Variants in HAP1 observed in about 807,000 individuals in gnomAD.
The protein encoded by HAP1 is huntingtin-associated protein 1.
A neutral mutation model predicts 60.3 loss-of-function variants in HAP1; 59 were observed. The observed-to-expected ratio is 0.98, with a 90% CI of 0.79 to 1.22. HAP1 has a LOEUF of 1.22. Ranked by LOEUF, HAP1 falls within the 50% of genes most tolerant of loss-of-function variation. HAP1 has a pLI of 0.00. For synonymous variants in HAP1, 346 were observed against 330.6 expected (o/e 1.05, Z -0.50); for missense variants, 825 against 785.3 (o/e 1.05, Z -0.60).
At chr17:41,726,903 T>A (rs1157396073) in intron 9 of HAP1, 150 bp downstream of exon 9, 1 of 594,252 alleles carries the variant, frequency 1.7e-6, no homozygotes, top group Non-Finnish European at 3.0e-6. Context: ...GATGGGTCCA[T>A]ATTCATAGAG....
chr17:41,726,991 C>A, intron 9 of HAP1, 62 bp downstream of exon 9: 1 of 836,690 alleles, frequency 1.2e-6, no homozygotes, highest in African/African-American at 1.7e-5. Context: ...TGAGGGCAAA[C>A]CCCCTCCCCA....
In HAP1 at chr17:41,724,662, G is replaced by A. The variant is rs782590381; in HGVS notation, c.*39C>T. ...AGCACAGCAGGTAGAGCCAGGCTGG[G>A]GCAGGTGAGCACTCGGGGAGCTTAT... On this transcript the variant is annotated 3_prime_UTR_variant, in exon 11 of 11. Transcript: ENST00000347901. 2.7e-6 allele frequency: 4 copies of A among 1,461,032 alleles called. No individual in the cohort carries two copies. In the African/African-American group the frequency reaches 4.2e-5, roughly 15 times the overall value. 90.5% of individuals were successfully genotyped at this position (1,461,032 alleles called of 1,614,324 possible).
At chr17:41,734,045 G>A in intron 1 of HAP1, 121 bp downstream of exon 1, 1 of 710,552 alleles carries the variant, frequency 1.4e-6, no homozygotes. Flanking sequence ...ACATCGCGGG[G>A]GTGGTGGACG....
chr17:41,733,931 G>A (rs1171017176), intron 1 of HAP1, among the ~76,000 whole-genome samples: 1 of 152,138 alleles, frequency 6.6e-6, no homozygotes, highest in African/African-American at 2.4e-5. Context: ...CGTGGAGGTG[G>A]GTGGGCGAGC....
In HAP1 at chr17:41,729,549, CAAAAAAAA is replaced by C. The variant is rs1162563636; in HGVS notation, c.1070-1226_1070-1219del. On this transcript the variant is annotated intron_variant, in intron 6 of 10. Coordinates refer to ENST00000347901, the MANE Select transcript of HAP1 (RefSeq NM_177977.3). ...TGGGTTACAGAGGGAGCCTCCTTCT[CAAAAAAAA>C]AAAAAAAAAAAAAAAAAAAAAAGGA... Among the ~76,000 whole-genome samples, 67 of 63,106 alleles carry C rather than the reference CAAAAAAAA, an allele frequency of 1.1e-3. 3 individuals are homozygous for C. Among genetic ancestry groups the C allele is most frequent in the African/African-American group, 3.0e-3 (43 of 14,570 alleles). 41.4% of individuals were successfully genotyped at this position (63,106 alleles called of 152,430 possible).
At chr17:41,728,100 G>A (rs1911827150) in intron 7 of HAP1, 101 bp downstream of exon 7, 2 of 1,387,512 alleles carry the variant, frequency 1.4e-6, no homozygotes, top group Admixed American at 3.4e-5. Flanking sequence ...CTCTGACACA[G>A]AAAGGGACCT....
downstream of HAP1, chr17:41,718,066 TTTA>T: frequency 2.2e-6 from 1 of 458,428 alleles, no homozygotes; most frequent in South Asian, 1.6e-5. Flanking sequence ...AGCAAACAAG[TTTA>T]TTAACATGTG....
At chr17:41,719,293 A>G (rs1460230943), downstream of HAP1, among the ~76,000 whole-genome samples, 1 of 152,110 alleles carries the variant, frequency 6.6e-6, no homozygotes, top group Non-Finnish European at 1.5e-5. Flanking sequence ...ATGTATTTTA[A>G]AGCAGTAGAT....
intron 6 of HAP1, among the ~76,000 whole-genome samples, chr17:41,729,370 T>G (rs1468413660): frequency 6.9e-6 from 1 of 145,688 alleles, no homozygotes; most frequent in African/African-American, 2.5e-5. Flanking sequence ...CCCAACATGG[T>G]GAAACCCCAT....
At chr17:41,734,077 G>C in intron 1 of HAP1, 89 bp downstream of exon 1, 1 of 1,036,098 alleles carries the variant, frequency 9.7e-7, no homozygotes, top group South Asian at 1.6e-5. Context: ...GTGCTAGAGG[G>C]GGCGGGGTGC....
At chr17:41,725,306 A>C in intron 10 of HAP1, 152 bp from the exon 11 acceptor site, 1 of 639,742 alleles carries the variant, frequency 1.6e-6, no homozygotes, top group Non-Finnish European at 2.7e-6. Context: ...AAGGCTTCAA[A>C]TACCCAGCCC....
chr17:41,726,804 A>G (rs1282286908), intron 9 of HAP1, among the ~76,000 whole-genome samples: 1 of 152,066 alleles, frequency 6.6e-6, no homozygotes, highest in Non-Finnish European at 1.5e-5. Flanking sequence ...CAGAGGTTGC[A>G]GTGAGCCAAG....
chr17:41,727,732 G>T (rs782203706), intron 8 of HAP1, 30 bp downstream of exon 8: 127 of 1,522,528 alleles, frequency 8.3e-5, no homozygotes, highest in Non-Finnish European at 1.1e-4. Context: ...GCTCTCCAGG[G>T]TGGGGGCAGA....
In HAP1 at chr17:41,725,475, T is replaced by C. The variant is rs537893217; in HGVS notation, c.1407-321A>G. ...CCTTCATAGCCCACCCCACAGCTAC[T>C]TGCCATAGGAACAAATCCATTCTAG... On this transcript the variant is annotated intron_variant, in intron 10 of 10. Coordinates refer to ENST00000347901, the MANE Select transcript of HAP1 (RefSeq NM_177977.3). Among the ~76,000 whole-genome samples, 3 of 152,288 alleles carry C rather than the reference T, an allele frequency of 2.0e-5. No homozygotes were observed. The South Asian group carries it at 6.2e-4, about 32-fold the overall frequency.
At chr17:41,730,031 A>AG (rs1912025171) in intron 6 of HAP1, 1 of 21,436 alleles carries the variant, frequency 4.7e-5, no homozygotes, top group Admixed American at 5.7e-4. Flanking sequence ...AAAAGAAAGA[A>AG]AGAGAGAGAG....
intron 8 of HAP1, 72 bp from the exon 9 acceptor site, chr17:41,727,216 G>A (rs763779270): frequency 4.3e-5 from 37 of 857,818 alleles, no homozygotes; most frequent in Non-Finnish European, 7.2e-5. Context: ...GGCACAGAAG[G>A]GAACTGGGAT....
At chr17:41,730,931 G>A (rs1388727561) in intron 6 of HAP1, among the ~76,000 whole-genome samples, 9 of 147,350 alleles carry the variant, frequency 6.1e-5, no homozygotes, top group African/African-American at 1.0e-4. Flanking sequence ...TTTTTTTTGA[G>A]ATGGAGTCTT....
Position 41,724,566 on chromosome 17 carries a change from C to G in HAP1, c.*135G>C. 1 of 688,134 alleles carries G rather than the reference C, an allele frequency of 1.5e-6. No homozygotes were observed. Among genetic ancestry groups the G allele is most frequent in the South Asian group, 1.8e-5 (1 of 57,014 alleles). The allele number at this position is 688,134 out of a possible 1,614,324, so 42.6% of individuals were successfully genotyped here. On this transcript the variant is annotated 3_prime_UTR_variant, in exon 11 of 11. Transcript: ENST00000347901. ...TAAGCAAATGCCACATAAATGAGCA[C>G]TGACACTACGGTTCCCACTGAAGGG... is the stretch of plus-strand genomic sequence containing the variant.
rs370015383 is a variant in HAP1, at chr17:41,731,489, G to T, written c.1069+4C>A. The stretch of plus-strand genomic sequence containing the variant: ...CCCCCACCCCGAGTGACAACATTAC[G>T]TACAAAACTGCTCCACACACTCCAG... On this transcript the variant is annotated splice_donor_region_variant and intron_variant, in intron 6 of 10. Coordinates refer to ENST00000347901, the MANE Select transcript of HAP1 (RefSeq NM_177977.3). The T allele has an allele frequency of 2.5e-6, 4 of 1,597,726 alleles. No individual in the cohort carries two copies. The highest frequency in any genetic ancestry group is 2.7e-5 in the African/African-American group (2 of 74,652).
Sources: allele counts gnomAD v4.1 joint callset (sites outside exome capture counted in the v4.1 genomes callset), GRCh38; gene constraint gnomAD v4.1.1; transcripts MANE v1.5; gene names NCBI Gene and HGNC (gene_info 2026-07-23, HGNC 2026-07-21).